Variants in FBXO40 observed in about 807,000 individuals in gnomAD.
FBXO40 encodes F-box protein 40.
FBXO40 carries 50 observed loss-of-function variants against 49.9 expected under a neutral mutation model. That is an observed-to-expected ratio of 1.00 (90% CI 0.80 to 1.27). FBXO40 has a LOEUF of 1.27. FBXO40 is among the 50% of genes most tolerant of loss of function. The pLI is 0.00. For synonymous variants in FBXO40, 340 were observed against 320.2 expected (o/e 1.06, Z -0.66); for missense variants, 895 against 870.1 (o/e 1.03, Z -0.36).
intron 1 of FBXO40, among the ~76,000 whole-genome samples, chr3:121,607,265 CA>C (rs199884317): frequency 0.21 from 17,774 of 86,492 alleles, 1,510 homozygotes; most frequent in Admixed American, 0.35. Flanking sequence ...AACTCCATCT[CA>C]AAAAAAAAAA....
At chr3:121,615,217 A>AAAT (rs2048990806) in intron 1 of FBXO40, among the ~76,000 whole-genome samples, 1 of 150,400 alleles carries the variant, frequency 6.6e-6, no homozygotes, top group African/African-American at 2.4e-5. Context: ...AAAAAAAAAA[A>AAAT]AAAAGTAGCA....
intron 1 of FBXO40, among the ~76,000 whole-genome samples, chr3:121,605,323 C>T (rs1347520271): frequency 1.3e-5 from 2 of 152,222 alleles, no homozygotes; most frequent in Admixed American, 1.3e-4. Flanking sequence ...AGAAGGCAAT[C>T]ATGGCCAAAG....
intron 1 of FBXO40, among the ~76,000 whole-genome samples, chr3:121,617,551 C>T (rs530162845): frequency 1.1e-4 from 17 of 151,912 alleles, no homozygotes; most frequent in African/African-American, 3.6e-4. Context: ...GCCAAGATTG[C>T]GCCATTGCAC....
At chr3:121,624,202 C>T (rs1351263955) in intron 3 of FBXO40, among the ~76,000 whole-genome samples, 2 of 151,752 alleles carry the variant, frequency 1.3e-5, no homozygotes, top group African/African-American at 4.8e-5. Context: ...ATTGGTCAGG[C>T]TGGTCTCGAA....
In FBXO40 at chr3:121,618,083, G is replaced by A. The variant is rs527810398; in HGVS notation, c.-30-2463G>A. Among the ~76,000 whole-genome samples, 11 of 152,102 alleles carry A rather than the reference G, an allele frequency of 7.2e-5. 1 individual carries two copies. The highest frequency in any genetic ancestry group is 1.7e-4 in the African/African-American group (7 of 41,506). Reference sequence around the variant, plus strand: ...ATGGATATCCCAATTACCCTAATTCGATCATTCCATATTGTATACAGGCAT... The same window carrying A: ...ATGGATATCCCAATTACCCTAATTCAATCATTCCATATTGTATACAGGCAT... On this transcript the variant is annotated intron_variant, in intron 1 of 3. Coordinates refer to ENST00000338040, the MANE Select transcript of FBXO40 (RefSeq NM_016298.4).
Position 121,629,517 on chromosome 3 carries a change from A to G in FBXO40, c.*2607A>G, listed in dbSNP as rs1410196812. 1 of 152,222 alleles carries G rather than the reference A, an allele frequency of 6.6e-6. No homozygotes were observed. Among genetic ancestry groups the G allele is most frequent in the Non-Finnish European group, 1.5e-5 (1 of 68,036 alleles). The allele number at this position is 152,222 out of a possible 1,614,324, so 9.4% of individuals were successfully genotyped here. On this transcript the variant is annotated 3_prime_UTR_variant, in exon 4 of 4. Transcript: ENST00000338040. ...AAACTATAGACCAATGGAGATGAAAATCAGGGGCTATCGACAGATGGAGGA... is the reference window on the plus strand; with the variant it reads ...AAACTATAGACCAATGGAGATGAAAGTCAGGGGCTATCGACAGATGGAGGA...
At position 121,621,742 on chromosome 3, in the gene FBXO40, G is replaced by A; in HGVS notation, c.313G>A (p.Val105Met). The A allele has an allele frequency of 6.2e-7, 1 of 1,614,218 alleles. No individual in the cohort carries two copies. Among genetic ancestry groups the A allele is most frequent in the Non-Finnish European group, 8.5e-7 (1 of 1,180,038 alleles). The change falls in exon 3 of 4, where the codon GTG (valine) becomes ATG (methionine). Residue 105 changes from valine (V) to methionine (M), a missense_variant. Val to Met is a conservative substitution (Grantham distance 21, BLOSUM62 1). Coordinates refer to ENST00000338040, the MANE Select transcript of FBXO40 (RefSeq NM_016298.4). ...CSMEWNRWPN[V>M]DSETTLHENI... ...CATGGAGTGGAACCGCTGGCCAAAT[G>A]TGGACTCTGAAACCACCCTTCATGA...
At chr3:121,623,798 C>T (rs1015275173) in intron 3 of FBXO40, among the ~76,000 whole-genome samples, 2 of 149,620 alleles carry the variant, frequency 1.3e-5, no homozygotes, top group African/African-American at 5.0e-5. Context: ...AAGTGATTCT[C>T]CTGCCTCAGC....
chr3:121,624,597 G>A (rs1280746617), intron 3 of FBXO40, among the ~76,000 whole-genome samples: 2 of 152,210 alleles, frequency 1.3e-5, no homozygotes, highest in African/African-American at 4.8e-5. Flanking sequence ...GTCAGCAGGA[G>A]ATGGGAGGAA....
rs997528078 is a variant in FBXO40, at chr3:121,622,252, C to A, written c.823C>A (p.Gln275Lys). 6.2e-7 allele frequency: 1 copy of A among 1,614,052 alleles called. No individual in the cohort carries two copies. Reference protein sequence around the residue: ...KKKEPQENQKQQDVRTAMETT... With the variant: ...KKKEPQENQKKQDVRTAMETT... The stretch of plus-strand genomic sequence containing the variant: ...GAAAGAACCACAGGAAAATCAGAAG[C>A]AGCAGGACGTTCGTACAGCCATGGA... Residue 275 changes from glutamine (Q) to lysine (K), a missense_variant, in exon 3 of 4, where the codon CAG (glutamine) becomes AAG (lysine). Transcript: ENST00000338040.
chr3:121,604,707 A>G (rs1270853265), intron 1 of FBXO40, among the ~76,000 whole-genome samples: 1 of 152,200 alleles, frequency 6.6e-6, no homozygotes, highest in Admixed American at 6.5e-5. Flanking sequence ...ATCTAATGAC[A>G]TTCTGTTTTG....
chr3:121,606,234 G>C (rs1204683042), intron 1 of FBXO40, among the ~76,000 whole-genome samples: 1 of 152,284 alleles, frequency 6.6e-6, no homozygotes, highest in East Asian at 1.9e-4. Flanking sequence ...TGGCTCACAA[G>C]AGTAAACTAG....
rs189530792 is a variant in FBXO40 at position 121,598,523 on chromosome 3, A to G, written c.-31+5021A>G. ...GATTCATACAGAGCTAGATTTTTCT[A>G]GATGTGCTAGATGTAGTTTAAATGG... On this transcript the variant is annotated intron_variant, in intron 1 of 3. Coordinates refer to ENST00000338040, the MANE Select transcript of FBXO40 (RefSeq NM_016298.4). Among the ~76,000 whole-genome samples, 111 of 152,344 alleles carry G rather than the reference A, an allele frequency of 7.3e-4. 2 individuals are homozygous for G. The highest frequency in any genetic ancestry group is 1.5e-4 in the Non-Finnish European group (10 of 68,026).
At position 121,622,998 on chromosome 3, in the gene FBXO40, C is replaced by T. The variant is rs1413996442; in HGVS notation, c.1569C>T (p.Asn523=). The T allele has an allele frequency of 1.2e-6, 2 of 1,614,218 alleles. No individual in the cohort carries two copies. Among genetic ancestry groups the T allele is most frequent in the Non-Finnish European group, 1.7e-6 (2 of 1,180,048 alleles). ...LAYLGCTFVQ[N]HFRPPGQKAK... ...ACTTGGGATGTACATTTGTTCAAAA[C>T]CATTTCCGTCCCCCAGGGCAAAAGG... Residue 523 remains asparagine (N), a synonymous_variant, in exon 3 of 4, where the codon AAC becomes AAT. Coordinates refer to ENST00000338040, the MANE Select transcript of FBXO40 (RefSeq NM_016298.4).
chr3:121,602,050 T>C (rs1159797949), intron 1 of FBXO40, among the ~76,000 whole-genome samples: 1 of 152,220 alleles, frequency 6.6e-6, no homozygotes, highest in Non-Finnish European at 1.5e-5. Flanking sequence ...CCATAAGCAG[T>C]GACATTGTCA....
intron 1 of FBXO40, among the ~76,000 whole-genome samples, chr3:121,602,202 T>A (rs1405352424): frequency 6.6e-6 from 1 of 152,186 alleles, no homozygotes; most frequent in African/African-American, 2.4e-5. Context: ...CCCAAAGCCA[T>A]CATACTTGGC....
At chr3:121,613,882 C>G (rs1356443578) in intron 1 of FBXO40, among the ~76,000 whole-genome samples, 2 of 152,212 alleles carry the variant, frequency 1.3e-5, no homozygotes, top group African/African-American at 2.4e-5. Context: ...CCTGTAATCC[C>G]AACACTTTGG....
At chr3:121,599,153 G>C (rs1368130100) in intron 1 of FBXO40, among the ~76,000 whole-genome samples, 1 of 151,980 alleles carries the variant, frequency 6.6e-6, no homozygotes, top group Admixed American at 6.6e-5. Flanking sequence ...TGCTTTTTCA[G>C]ACAAGAAGCA....
Position 121,620,534 on chromosome 3 carries a change from ATTTTCC to A in FBXO40, c.-30-11_-30-6del, listed in dbSNP as rs765890896. The A allele has an allele frequency of 5.0e-6, 8 of 1,613,202 alleles. No homozygotes were observed. In the East Asian group the frequency reaches 1.8e-4, roughly 36 times the overall value. On this transcript the variant is annotated splice_region_variant and splice_polypyrimidine_tract_variant and intron_variant, in intron 1 of 3. Coordinates refer to ENST00000338040, the MANE Select transcript of FBXO40 (RefSeq NM_016298.4). The stretch of plus-strand genomic sequence containing the variant: ...TTTCTTACTAATTATTTATATTCAT[ATTTTCC>A]CGTAGAGCTAAGAAGCAAGAAGAAA...
Sources: gnomAD v4.1 joint callset for allele counts (sites outside exome capture counted in the v4.1 genomes callset) on GRCh38, gnomAD v4.1.1 for gene constraint, MANE v1.5 for transcripts, NCBI Gene and HGNC (gene_info 2026-07-23, HGNC 2026-07-21) for gene names.